Variants in ANKRD27 observed in about 807,000 individuals in gnomAD.
ANKRD27 encodes ankyrin repeat domain-containing protein 27.
ANKRD27 carries 112 observed loss-of-function variants against 129.7 expected under a neutral mutation model. The observed-to-expected ratio is 0.86, with a 90% CI of 0.74 to 1.01. The LOEUF is 1.01. Ranked by LOEUF, ANKRD27 falls within the 50% of genes least tolerant of loss-of-function variation. The pLI is 0.00. For missense variants in ANKRD27, 1,258 were observed against 1,300.5 expected (o/e 0.97, Z 0.50); for synonymous variants, 516 against 511.2 (o/e 1.01, Z -0.13).
chr19:32,600,038 A>G lies in ANKRD27; in HGVS notation c.2780T>C (p.Leu927Pro). 1 of 1,611,716 alleles carries G rather than the reference A, an allele frequency of 6.2e-7. No individual in the cohort carries two copies. The highest frequency in any genetic ancestry group is 8.5e-7 in the Non-Finnish European group (1 of 1,178,102). ...VKIRKKWNSK[L>P]YDLPDEPFTR... ...AAAAGGCTCATCTGGTAGATCATAC[A>G]GTTTTGAGTTCCCTGTAGATAAAAA... is the stretch of plus-strand genomic sequence containing the variant. The change falls in exon 27 of 29, where the codon CTG (leucine) becomes CCG (proline). Residue 927 changes from leucine to proline, a missense_variant. Transcript: ENST00000306065.
rs3815696 is a variant in ANKRD27 at position 32,649,625 on chromosome 19, C to T, written c.213+57G>A. The T allele has an allele frequency of 3.1e-4, 367 of 1,187,332 alleles. 1 individual carries two copies. In the East Asian group the frequency reaches 8.1e-3, roughly 26 times the overall value. 73.5% of individuals were successfully genotyped at this position (1,187,332 alleles called of 1,614,324 possible). ...GCTGAGAACGGGACTCTCTTCCTCC[C>T]CTCTGGCCCCAAACACCGAGTAGGT... On this transcript the variant is annotated intron_variant, in intron 3 of 28. Transcript: ENST00000306065.
intron 12 of ANKRD27, 187 bp downstream of exon 12, chr19:32,639,169 T>TA (rs1236401473): frequency 6.3e-6 from 4 of 633,656 alleles, no homozygotes; most frequent in Non-Finnish European, 1.1e-5. Flanking sequence ...CACCAATTTT[T>TA]ACCACCAATT....
At chr19:32,604,779 C>T (rs1971706708) in intron 24 of ANKRD27, among the ~76,000 whole-genome samples, 1 of 152,104 alleles carries the variant, frequency 6.6e-6, no homozygotes, top group Non-Finnish European at 1.5e-5. Context: ...TACTTGGGGC[C>T]AGGCACAGTG....
At chr19:32,621,853 C>T (rs1455252606) in intron 18 of ANKRD27, among the ~76,000 whole-genome samples, 1 of 152,090 alleles carries the variant, frequency 6.6e-6, no homozygotes, top group Non-Finnish European at 1.5e-5. Context: ...GCTCTGCTGC[C>T]GGGAGACGAG....
rs1971931520 is a variant in ANKRD27, at chr19:32,617,078, T to TA, written c.2052+510_2052+511insT. Among the ~76,000 whole-genome samples the TA allele has an allele frequency of 7.2e-5, 11 of 152,316 alleles. No individual in the cohort carries two copies. In the South Asian group the frequency reaches 2.3e-3, roughly 32 times the overall value. On this transcript the variant is annotated intron_variant, in intron 21 of 28. Coordinates refer to ENST00000306065, the MANE Select transcript of ANKRD27 (RefSeq NM_032139.3). ...GGCCCACACTCGCTATGTGCCTGTA[T>TA]GTTGATCTGCCTCATTACTTGTCAG...
intron 12 of ANKRD27, among the ~76,000 whole-genome samples, chr19:32,633,266 G>A (rs78777120): frequency 3.0e-4 from 46 of 151,960 alleles, no homozygotes; most frequent in African/African-American, 1.0e-3. Flanking sequence ...AGTAACGTAA[G>A]GAAGGCCAGA....
chr19:32,608,507 T>TA (rs35210767), intron 22 of ANKRD27: 4,615 of 211,184 alleles, frequency 0.022, 5 homozygotes, highest in South Asian at 0.054. Context: ...GTTACCTCTT[T>TA]AAAAAAAAAA....
rs1043186566 is a variant in ANKRD27, at chr19:32,604,386, G to T, written c.2532C>A (p.Asn844Lys). 1 of 1,613,034 alleles carries T rather than the reference G, an allele frequency of 6.2e-7. No homozygotes were observed. The highest frequency in any genetic ancestry group is 1.3e-5 in the African/African-American group (1 of 75,060). The change falls in exon 25 of 29, where the codon AAC (asparagine) becomes AAA (lysine). Residue 844 changes from asparagine to lysine, a missense_variant. Transcript: ENST00000306065. ...CAATCACAGCCTCGTGCAGCGCTGT[G>T]TTGCCCTTATTGTTAGAAGCGTTAA... ...ASINASNNKG[N>K]TALHEAVIEK...
intron 2 of ANKRD27, among the ~76,000 whole-genome samples, chr19:32,654,846 A>G (rs1967489636): frequency 1.3e-5 from 2 of 152,052 alleles, no homozygotes; most frequent in African/African-American, 2.4e-5. Flanking sequence ...CAGTGGCGCA[A>G]TCTCAGCTCA....
chr19:32,625,891 T>C lies in ANKRD27; in HGVS notation c.1612A>G (p.Thr538Ala), dbSNP rs1972081521. Residue 538 changes from threonine (T) to alanine (A), a missense_variant, in exon 17 of 29, where the codon ACC becomes GCC. Transcript: ENST00000306065. ...NGNTPLHLAC[T>A]YGHEDCVKAL... ...CCACTCACGTCCTCGTGGCCGTAGG[T>C]GCAGGCCAGGTGGAGTGGCGTATTC... The C allele has an allele frequency of 6.2e-7, 1 of 1,607,414 alleles. No individual in the cohort carries two copies. Among genetic ancestry groups the C allele is most frequent in the African/African-American group, 1.3e-5 (1 of 74,756 alleles).
chr19:32,619,613 T>A, intron 18 of ANKRD27, 60 bp from the exon 19 acceptor site: 1 of 1,594,550 alleles, frequency 6.3e-7, no homozygotes, highest in Non-Finnish European at 8.6e-7. Context: ...CTCAGCACAG[T>A]GCCATCACCC....
intron 17 of ANKRD27, among the ~76,000 whole-genome samples, chr19:32,623,291 CCTAA>C: frequency 6.6e-6 from 1 of 152,238 alleles, no homozygotes; most frequent in East Asian, 1.9e-4. Flanking sequence ...CCCAAAATTC[CCTAA>C]CTGATTAGGT....
At chr19:32,628,529 A>G (rs556087559) in intron 14 of ANKRD27, among the ~76,000 whole-genome samples, 193 bp downstream of exon 14, 11 of 152,340 alleles carry the variant, frequency 7.2e-5, no homozygotes, top group African/African-American at 2.2e-4. Context: ...GCCAGTGAGC[A>G]AGTGCTTTGA....
At chr19:32,649,440 CAGAG>C (rs941368809) in intron 3 of ANKRD27, among the ~76,000 whole-genome samples, 8 of 152,112 alleles carry the variant, frequency 5.3e-5, no homozygotes, top group Non-Finnish European at 1.0e-4. Context: ...ATCACGGGAT[CAGAG>C]AGAGATGCTT....
chr19:32,619,561 G>C lies in ANKRD27; in HGVS notation c.1828-8C>G. ...TTCCATTACAGACAGAATCTAGGGG[G>C]ACAAGGGGGATGCCAACAGTACCCC... On this transcript the variant is annotated splice_polypyrimidine_tract_variant and splice_region_variant and intron_variant, in intron 18 of 28. Transcript: ENST00000306065. 1.2e-6 allele frequency: 2 copies of C among 1,614,070 alleles called. No individual in the cohort carries two copies. Among genetic ancestry groups the C allele is most frequent in the African/African-American group, 1.3e-5 (1 of 75,040 alleles).
At chr19:32,628,017 C>T in intron 15 of ANKRD27, 66 bp downstream of exon 15, 1 of 1,479,094 alleles carries the variant, frequency 6.8e-7, no homozygotes, top group African/African-American at 1.4e-5. Context: ...GGCCTCTCTG[C>T]TGGGTCACCT....
At chr19:32,656,539 C>A (rs1568418081) in intron 2 of ANKRD27, among the ~76,000 whole-genome samples, 1 of 152,162 alleles carries the variant, frequency 6.6e-6, no homozygotes, top group African/African-American at 2.4e-5. Context: ...GTAATCCCAG[C>A]ACTTTGGGAG....
intron 1 of ANKRD27, chr19:32,673,085 T>C (rs1325615411): frequency 1.3e-5 from 2 of 153,196 alleles, no homozygotes; most frequent in Non-Finnish European, 2.9e-5. Flanking sequence ...AGCAGCTGTC[T>C]TGGTGAGGGA....
intron 1 of ANKRD27, chr19:32,673,343 TA>T (rs975303841): frequency 3.0e-6 from 3 of 986,264 alleles, no homozygotes; most frequent in African/African-American, 1.7e-5. Flanking sequence ...TTCCAAGGCC[TA>T]CGGGCTGTGC....
Sources: allele counts gnomAD v4.1 joint callset (sites outside exome capture counted in the v4.1 genomes callset), GRCh38; gene constraint gnomAD v4.1.1; transcripts MANE v1.5; gene names NCBI Gene and HGNC (gene_info 2026-07-23, HGNC 2026-07-21).